The following PCDHA5 variants were observed in gnomAD, a reference collection of about 807,000 sequenced individuals.
PCDHA5 encodes the protein protocadherin alpha-5.
PCDHA5 carries 43 observed loss-of-function variants against 61.6 expected under a neutral mutation model. The ratio of observed to expected loss-of-function variants is 0.70; its 90% CI spans 0.55 to 0.90. The LOEUF (loss-of-function observed/expected upper bound fraction) is 0.90, where lower values mean the gene tolerates loss of function less well. Among genes scored for constraint, PCDHA5 ranks in the 40% least tolerant of loss-of-function variants. The pLI is 0.00. For synonymous variants in PCDHA5, 627 were observed against 543.9 expected (o/e 1.15, Z -2.13); for missense variants, 1,298 against 1,222.7 (o/e 1.06, Z -0.92).
rs570244920 is a variant in PCDHA5, at chr5:140,897,293, A to G, written c.2352+73166A>G. Reference sequence around the variant, plus strand: ...GGTGTGCTGCACCCATTAACTCGTCATTTAGCATTAGGTATATCTCCTAAA... The same window carrying G: ...GGTGTGCTGCACCCATTAACTCGTCGTTTAGCATTAGGTATATCTCCTAAA... On this transcript the variant is annotated intron_variant, in intron 1 of 3. Transcript: ENST00000529859. Among the ~76,000 whole-genome samples the G allele has an allele frequency of 1.2e-4, 18 of 149,820 alleles. No homozygotes were observed. In the South Asian group the frequency reaches 3.5e-3, roughly 29 times the overall value.
chr5:140,942,540 G>C lies in PCDHA5; in HGVS notation c.2353-36409G>C, dbSNP rs1013086382. Among the ~76,000 whole-genome samples the C allele has an allele frequency of 8.5e-5, 13 of 152,164 alleles. No homozygotes were observed. In the South Asian group the frequency reaches 1.5e-3, roughly 17 times the overall value. ...GGGGAAGCAACTAACTCAGTATGGT[G>C]GGGGGTAGGGGGTTGAGGCAGAAAA... On this transcript the variant is annotated intron_variant, in intron 1 of 3. Transcript: ENST00000529859.
chr5:140,889,928 G>A (rs554679699), intron 1 of PCDHA5, among the ~76,000 whole-genome samples: 98 of 152,304 alleles, frequency 6.4e-4, no homozygotes, highest in South Asian at 1.5e-3. Context: ...AGAAGCTCAA[G>A]CTGGACTTGT....
chr5:140,955,595 A>G (rs1366870361), intron 1 of PCDHA5, among the ~76,000 whole-genome samples: 1 of 152,194 alleles, frequency 6.6e-6, no homozygotes, highest in Admixed American at 6.5e-5. Context: ...TCTTTCTTTT[A>G]TAAATTACCC....
chr5:140,967,959 G>A lies in PCDHA5; in HGVS notation c.2353-10990G>A, dbSNP rs782716187. ...AATGACCAAGACTCAGGCCCCAACC[G>A]GAAAGTGAGCCTGGGTCTGGAGGCC... On this transcript the variant is annotated intron_variant, in intron 1 of 3. Transcript: ENST00000529859. The A allele has an allele frequency of 1.5e-5, 25 of 1,614,046 alleles. No individual in the cohort carries two copies. Among genetic ancestry groups the A allele is most frequent in the Non-Finnish European group, 1.9e-5 (23 of 1,180,058 alleles).
chr5:140,924,830 G>T (rs1240824600), intron 1 of PCDHA5, among the ~76,000 whole-genome samples: 3 of 151,612 alleles, frequency 2.0e-5, no homozygotes, highest in Non-Finnish European at 4.4e-5. Flanking sequence ...GGGAGGGGGA[G>T]GTTGCAGGGA....
intron 1 of PCDHA5, chr5:140,828,518 T>G (rs2150156316): frequency 6.2e-7 from 1 of 1,614,092 alleles, no homozygotes; most frequent in Non-Finnish European, 8.5e-7. Flanking sequence ...AGTGCTGATT[T>G]ACGAATCTAG....
chr5:140,875,525 T>C, intron 1 of PCDHA5: 1 of 1,614,132 alleles, frequency 6.2e-7, no homozygotes, highest in Non-Finnish European at 8.5e-7. Flanking sequence ...CTGCTCTCGC[T>C]TCTGCTCCTT....
At chr5:140,994,717 A>G (rs1350882833) in intron 3 of PCDHA5, among the ~76,000 whole-genome samples, 4 of 152,164 alleles carry the variant, frequency 2.6e-5, no homozygotes, top group African/African-American at 9.6e-5. Context: ...AAAAAAATTT[A>G]AAATACTGGG....
intron 1 of PCDHA5, among the ~76,000 whole-genome samples, chr5:140,846,219 G>A (rs1780263856): frequency 6.7e-6 from 1 of 149,418 alleles, no homozygotes; most frequent in South Asian, 2.1e-4. Flanking sequence ...TCCATTAATA[G>A]TATTTTTCTT....
At position 140,884,402 on chromosome 5, in the gene PCDHA5, G is replaced by T. The variant is rs782512270; in HGVS notation, c.2352+60275G>T. 2.6e-5 allele frequency: 42 copies of T among 1,613,886 alleles called. 1 individual carries two copies. The Middle Eastern group carries it at 1.3e-3, about 51-fold the overall frequency. The stretch of plus-strand genomic sequence containing the variant: ...CATCTGCGCGGTGTCCAGCCTGTTG[G>T]TGCTCACGTTGCTGCTGTATACTGC... On this transcript the variant is annotated intron_variant, in intron 1 of 3. Coordinates refer to ENST00000529859, the MANE Select transcript of PCDHA5 (RefSeq NM_018908.3).
At chr5:140,998,273 A>G (rs1448303020) in intron 3 of PCDHA5, among the ~76,000 whole-genome samples, 1 of 152,216 alleles carries the variant, frequency 6.6e-6, no homozygotes, top group East Asian at 1.9e-4. Context: ...ACTGACACCC[A>G]TAGGATTAAA....
At chr5:140,869,850 G>A in intron 1 of PCDHA5, 1 of 1,610,774 alleles carries the variant, frequency 6.2e-7, no homozygotes, top group South Asian at 1.1e-5. Flanking sequence ...AATATAAGGT[G>A]AGCCTTATGG....
intron 1 of PCDHA5, chr5:140,881,378 G>A (rs2058692175): frequency 1.0e-6 from 1 of 984,802 alleles, no homozygotes; most frequent in Non-Finnish European, 1.2e-6. Context: ...ATTGCAGCCG[G>A]CGGCGGTAAG....
intron 1 of PCDHA5, chr5:140,876,731 C>T (rs782483829): frequency 1.7e-5 from 27 of 1,614,124 alleles, no homozygotes; most frequent in Non-Finnish European, 1.9e-5. Context: ...AGCGTGTCGG[C>T]CTATGAGCTG....
intron 1 of PCDHA5, chr5:140,876,605 A>T (rs1582292779): frequency 6.2e-7 from 1 of 1,614,060 alleles, no homozygotes; most frequent in South Asian, 1.1e-5. Context: ...TCGGATCGTG[A>T]CTCTGGAGCC....
intron 3 of PCDHA5, among the ~76,000 whole-genome samples, chr5:140,999,619 G>A (rs2097865766): frequency 6.6e-6 from 1 of 152,146 alleles, no homozygotes; most frequent in Non-Finnish European, 1.5e-5. Flanking sequence ...TTATCAACCA[G>A]GAAACAAGGT....
chr5:140,968,089 C>T lies in PCDHA5; in HGVS notation c.2353-10860C>T, dbSNP rs546330069. ...CTGTCTACAACATCACGGTGACAGC[C>T]ACAGATGGGGGAATACCGCAGCTCA... On this transcript the variant is annotated intron_variant, in intron 1 of 3. Transcript: ENST00000529859. 120 of 1,614,126 alleles carry T rather than the reference C, an allele frequency of 7.4e-5. 1 individual carries two copies. The South Asian group carries it at 1.2e-3, about 16-fold the overall frequency.
Position 140,854,000 on chromosome 5 carries a change from C to T in PCDHA5, c.2352+29873C>T, listed in dbSNP as rs1437337577. 5 of 352,352 alleles carry T rather than the reference C, an allele frequency of 1.4e-5. No homozygotes were observed. The East Asian group carries it at 8.5e-4, about 60-fold the overall frequency. 21.8% of individuals were successfully genotyped at this position (352,352 alleles called of 1,614,324 possible). ...CCAATGTAGTGAGACTCATCTCTGC[C>T]AAAAAAAAAAAATTAGCCGGGCATG... On this transcript the variant is annotated intron_variant, in intron 1 of 3. Coordinates refer to ENST00000529859, the MANE Select transcript of PCDHA5 (RefSeq NM_018908.3).
chr5:140,921,257 A>G lies in PCDHA5; in HGVS notation c.2353-57692A>G, dbSNP rs115706395. On this transcript the variant is annotated intron_variant, in intron 1 of 3. Coordinates refer to ENST00000529859, the MANE Select transcript of PCDHA5 (RefSeq NM_018908.3). The stretch of plus-strand genomic sequence containing the variant: ...ATTAAGCCACAGATCAAAAAGTCCT[A>G]GACTTTTATACTTACTTGAAAAAAA... 1.4e-3 allele frequency among the ~76,000 whole-genome samples: 213 copies of G among 152,258 alleles called. 1 individual carries two copies. The highest frequency in any genetic ancestry group is 4.8e-3 in the African/African-American group (199 of 41,532).
Sources: allele counts gnomAD v4.1 joint callset (sites outside exome capture counted in the v4.1 genomes callset), GRCh38; gene constraint gnomAD v4.1.1; transcripts MANE v1.5; gene names NCBI Gene and HGNC (gene_info 2026-07-23, HGNC 2026-07-21).